Variants in GALM observed in about 807,000 individuals in gnomAD.
GALM encodes aldose 1-epimerase.
A neutral mutation model predicts 37.4 loss-of-function variants in GALM; 43 were observed. The observed-to-expected ratio is 1.15, with a 90% CI of 0.90 to 1.48. The LOEUF (loss-of-function observed/expected upper bound fraction) is 1.48, where lower values mean the gene tolerates loss of function less well. Ranked by LOEUF, GALM falls within the 40% of genes most tolerant of loss-of-function variation. The pLI, the probability that GALM is intolerant of heterozygous loss-of-function variation, is 0.00. For synonymous variants in GALM, 199 were observed against 170.6 expected, an observed-to-expected ratio of 1.17 and a Z score of -1.30; for missense variants, 456 against 419.1, an observed-to-expected ratio of 1.09 and a Z score of -0.77.
intron 4 of GALM, among the ~76,000 whole-genome samples, chr2:38,704,577 G>A (rs1666001415): frequency 6.6e-6 from 1 of 151,854 alleles, no homozygotes; most frequent in African/African-American, 2.4e-5. Context: ...TTATGAGGCT[G>A]AGGCAGAGGA....
chr2:38,703,678 A>G (rs1458209172), intron 4 of GALM, among the ~76,000 whole-genome samples: 4 of 152,182 alleles, frequency 2.6e-5, no homozygotes, highest in African/African-American at 9.6e-5. Context: ...TGGGAAGATG[A>G]TGAAAGAACT....
At chr2:38,666,390 G>A (rs756084523) in intron 1 of GALM, 39 bp downstream of exon 1, 2 of 1,491,756 alleles carry the variant, frequency 1.3e-6, no homozygotes, top group Non-Finnish European at 1.8e-6. Flanking sequence ...GCAGGCCCCA[G>A]GCCCACGCTA....
At chr2:38,724,413 G>C (rs1666443928) in intron 4 of GALM, among the ~76,000 whole-genome samples, 1 of 152,198 alleles carries the variant, frequency 6.6e-6, no homozygotes, top group African/African-American at 2.4e-5. Flanking sequence ...AATTATGTTA[G>C]AGAATATTCT....
At chr2:38,722,030 T>G (rs1182783288) in intron 4 of GALM, among the ~76,000 whole-genome samples, 3 of 41,392 alleles carry the variant, frequency 7.2e-5, no homozygotes, top group Admixed American at 4.0e-4. Context: ...TGCCTTCCCT[T>G]CCCCCCCCCA....
intron 1 of GALM, among the ~76,000 whole-genome samples, chr2:38,669,988 A>C (rs1665051264): frequency 6.6e-6 from 1 of 150,674 alleles, no homozygotes; most frequent in Non-Finnish European, 1.5e-5. Flanking sequence ...TTAACCTCCC[A>C]AGTAGCTGGA....
chr2:38,729,599 G>C lies in GALM; in HGVS notation c.678G>C (p.Lys226Asn). The C allele has an allele frequency of 6.2e-7, 1 of 1,613,686 alleles. No individual in the cohort carries two copies. Among genetic ancestry groups the C allele is most frequent in the Non-Finnish European group, 8.5e-7 (1 of 1,179,702 alleles). Residue 226 changes from lysine to asparagine, a missense_variant, in exon 5 of 7, where the codon AAG becomes AAC. Transcript: ENST00000272252. ...AAGGCACTGCATTCGACCTGAGAAA[G>C]CCAGTGGAGCTTGGAAAACACCTGC... ...PVQGTAFDLR[K>N]PVELGKHLQD... is the part of the protein sequence containing the mutation.
chr2:38,674,191 CTTTTT>C (rs202079509), intron 1 of GALM, among the ~76,000 whole-genome samples: 1 of 134,500 alleles, frequency 7.4e-6, no homozygotes, highest in African/African-American at 2.7e-5. Context: ...ACAGCTTATA[CTTTTT>C]TTTTTTTTTT....
rs535977598 is a variant in GALM, at chr2:38,691,646, C to T, written c.634+1752C>T. On this transcript the variant is annotated intron_variant, in intron 4 of 6. Coordinates refer to ENST00000272252, the MANE Select transcript of GALM (RefSeq NM_138801.3). ...CTGCAGTGAGCCGTGATCTCTGCTG[C>T]ACTCTACCCTGGGCAACAGAGCAAG... is the stretch of plus-strand genomic sequence containing the variant. 2.4e-4 allele frequency among the ~76,000 whole-genome samples: 36 copies of T among 151,800 alleles called. 1 individual carries two copies. The South Asian group carries it at 6.5e-3, about 27-fold the overall frequency.
Position 38,686,227 on chromosome 2 carries a change from T to TCCTTCCTTCCTTC in GALM, c.553-3585_553-3584insCTTCCTTCCTTCC, listed in dbSNP as rs200153954. On this transcript the variant is annotated intron_variant, in intron 3 of 6. Coordinates refer to ENST00000272252, the MANE Select transcript of GALM (RefSeq NM_138801.3). ...AAACCACAGAAAGTGGAAATTTCTT[T>TCCTTCCTTCCTTC]CTTTCTTTCTTTCTTTCTTTCTTTC... 6.5e-3 allele frequency among the ~76,000 whole-genome samples: 107 copies of TCCTTCCTTCCTTC among 16,338 alleles called. 11 individuals carry two copies. Among genetic ancestry groups the TCCTTCCTTCCTTC allele is most frequent in the Middle Eastern group, 0.059 (2 of 34 alleles). The allele number at this position is 16,338 out of a possible 152,430, so 10.7% of individuals were successfully genotyped here.
intron 4 of GALM, among the ~76,000 whole-genome samples, chr2:38,717,974 A>G (rs1666303301): frequency 6.6e-6 from 1 of 151,398 alleles, no homozygotes; most frequent in Non-Finnish European, 1.5e-5. Context: ...AGTTAGGACT[A>G]CAGGCACGCA....
Position 38,734,153 on chromosome 2 carries a change from C to A in GALM, c.*588C>A, listed in dbSNP as rs1342609677. On this transcript the variant is annotated 3_prime_UTR_variant, in exon 7 of 7. Coordinates refer to ENST00000272252, the MANE Select transcript of GALM (RefSeq NM_138801.3). ...GTGGCTCACGCCTGTAATCCCAGCA[C>A]TTTGGAAGGCCGAGGCAGGCGGATC... The A allele has an allele frequency of 1.9e-5, 3 of 157,978 alleles. No individual in the cohort carries two copies. Among genetic ancestry groups the A allele is most frequent in the Non-Finnish European group, 2.8e-5 (2 of 71,426 alleles). 9.8% of individuals were successfully genotyped at this position (157,978 alleles called of 1,614,324 possible).
At chr2:38,714,811 A>G (rs988365536) in intron 4 of GALM, among the ~76,000 whole-genome samples, 7 of 152,246 alleles carry the variant, frequency 4.6e-5, no homozygotes, top group Non-Finnish European at 1.5e-5. Context: ...GTCATAGACT[A>G]GTTTTCAATG....
At chr2:38,667,453 C>T (rs1395641959) in intron 1 of GALM, among the ~76,000 whole-genome samples, 1 of 151,840 alleles carries the variant, frequency 6.6e-6, no homozygotes, top group Non-Finnish European at 1.5e-5. Context: ...GCCTGTAATC[C>T]CAGCTAGTCA....
chr2:38,709,474 C>T (rs1209213477), intron 4 of GALM, among the ~76,000 whole-genome samples: 1 of 151,524 alleles, frequency 6.6e-6, no homozygotes, highest in Admixed American at 6.6e-5. Context: ...TTTTATGCTT[C>T]GGATGTCATC....
At chr2:38,698,382 G>A (rs1201206406) in intron 4 of GALM, 2 of 1,304,608 alleles carry the variant, frequency 1.5e-6, no homozygotes, top group East Asian at 5.5e-5. Flanking sequence ...CCAACAGAAG[G>A]TTTCTGCAAG....
At chr2:38,680,999 A>G (rs925192150) in intron 2 of GALM, among the ~76,000 whole-genome samples, 1 of 151,940 alleles carries the variant, frequency 6.6e-6, no homozygotes, top group Non-Finnish European at 1.5e-5. Flanking sequence ...AGCCAGGTAC[A>G]GTGGCTCATG....
intron 4 of GALM, among the ~76,000 whole-genome samples, chr2:38,725,320 A>G (rs1666462526): frequency 6.6e-6 from 1 of 152,110 alleles, no homozygotes; most frequent in Admixed American, 6.6e-5. Flanking sequence ...GGATTGCTTG[A>G]GCCCAGGAGT....
chr2:38,721,884 CTT>C (rs1392529965), intron 4 of GALM, among the ~76,000 whole-genome samples: 1 of 152,172 alleles, frequency 6.6e-6, no homozygotes, highest in African/African-American at 2.4e-5. Context: ...ACTTCTTTGA[CTT>C]TGTCATGACC....
At chr2:38,687,336 A>G (rs78496329) in intron 3 of GALM, among the ~76,000 whole-genome samples, 4,578 of 152,274 alleles carry the variant, frequency 0.03, 229 homozygotes, top group African/African-American at 0.1. Flanking sequence ...AGTGCAGAGG[A>G]GAGGCCTTTG....
Sources: gnomAD v4.1 joint callset for allele counts (sites outside exome capture counted in the v4.1 genomes callset) on GRCh38, gnomAD v4.1.1 for gene constraint, MANE v1.5 for transcripts, NCBI Gene and HGNC (gene_info 2026-07-23, HGNC 2026-07-21) for gene names.